The following OSBP2 variants were observed in gnomAD, a reference collection of about 807,000 sequenced individuals.
The protein encoded by OSBP2 is oxysterol-binding protein 2.
A neutral mutation model predicts 96.0 loss-of-function variants in OSBP2; 66 were observed. That is an observed-to-expected ratio of 0.69 (90% CI 0.56 to 0.84). OSBP2 has a LOEUF of 0.84. Among genes scored for constraint, OSBP2 ranks in the 40% least tolerant of loss-of-function variants. The probability of loss-of-function intolerance (pLI) is 0.00; values close to 1 mark genes in which losing one functional copy is unlikely to be tolerated. For missense variants in OSBP2, 1,038 were observed against 1,222.7 expected (o/e 0.85, Z 2.25); for synonymous variants, 525 against 520.9 (o/e 1.01, Z -0.11).
At chr22:30,791,414 C>T (rs191696002) in intron 2 of OSBP2, among the ~76,000 whole-genome samples, 1 of 146,936 alleles carries the variant, frequency 6.8e-6, no homozygotes, top group African/African-American at 2.5e-5. Flanking sequence ...GCAACCTCCA[C>T]CTCCCAGGTT....
intron 2 of OSBP2, among the ~76,000 whole-genome samples, chr22:30,782,549 ACCC>A (rs1764656875): frequency 6.6e-6 from 1 of 152,134 alleles, no homozygotes; most frequent in Non-Finnish European, 1.5e-5. Flanking sequence ...GGCTTTTGTC[ACCC>A]AGTGTAACTG....
At chr22:30,873,488 C>T (rs547326923) in intron 3 of OSBP2, among the ~76,000 whole-genome samples, 8 of 152,174 alleles carry the variant, frequency 5.3e-5, no homozygotes, top group South Asian at 2.1e-4. Flanking sequence ...ATGGAAGCCA[C>T]GCACCGCAGT....
At chr22:30,863,912 C>T (rs2039277197) in intron 2 of OSBP2, among the ~76,000 whole-genome samples, 1 of 151,844 alleles carries the variant, frequency 6.6e-6, no homozygotes. Flanking sequence ...GGTCTGTGGA[C>T]ATGCAGGAAA....
chr22:30,880,484 C>T (rs528421810), intron 3 of OSBP2, among the ~76,000 whole-genome samples: 1 of 152,282 alleles, frequency 6.6e-6, no homozygotes, highest in Admixed American at 6.5e-5. Context: ...GGCATTTGGC[C>T]CATCTCCCCA....
At chr22:30,697,290 T>A (rs2042635640) in intron 1 of OSBP2, among the ~76,000 whole-genome samples, 1 of 152,212 alleles carries the variant, frequency 6.6e-6, no homozygotes, top group African/African-American at 2.4e-5. Context: ...TTCTTTTTTT[T>A]ATTTTTTGAG....
Position 30,887,474 on chromosome 22 carries a change from C to G in OSBP2, c.1156C>G (p.Gln386Glu). 6.2e-7 allele frequency: 1 copy of G among 1,613,862 alleles called. No individual in the cohort carries two copies. The highest frequency in any genetic ancestry group is 8.5e-7 in the Non-Finnish European group (1 of 1,180,010). The part of the protein sequence containing the change: ...ELAEIHSRKW[Q>E]RALQYEQEQR... ...AGCAGAGATACACAGTCGGAAATGGCAGCGGGCACTGCAGTATGAGCAGGA... is the reference window on the plus strand; with the variant it reads ...AGCAGAGATACACAGTCGGAAATGGGAGCGGGCACTGCAGTATGAGCAGGA... Residue 386 changes from glutamine (Q) to glutamate (E), a missense_variant, in exon 4 of 14, where the codon CAG becomes GAG. By Grantham distance (29) the Gln-to-Glu change is conservative. Transcript: ENST00000332585.
intron 2 of OSBP2, among the ~76,000 whole-genome samples, chr22:30,801,627 G>A (rs1436685878): frequency 6.6e-6 from 1 of 152,142 alleles, no homozygotes; most frequent in Non-Finnish European, 1.5e-5. Flanking sequence ...AAAAATCAAG[G>A]TGTCTTTGGA....
At chr22:30,699,324 A>G (rs892311103) in intron 1 of OSBP2, among the ~76,000 whole-genome samples, 3 of 152,156 alleles carry the variant, frequency 2.0e-5, no homozygotes, top group Admixed American at 2.0e-4. Flanking sequence ...TATTTTGACT[A>G]TTGTATAAAG....
At chr22:30,694,584 C>CA (rs1555904395), upstream of OSBP2, among the ~76,000 whole-genome samples, 3 of 151,764 alleles carry the variant, frequency 2.0e-5, no homozygotes, top group East Asian at 3.9e-4. Flanking sequence ...GCGCCTGGCA[C>CA]GGCTGGGCCG....
Position 30,732,094 on chromosome 22 carries a change from A to T in OSBP2, c.645-9067A>T, listed in dbSNP as rs184422964. ...CAAGGTGGAAAGATCACCTGAGGTC[A>T]GGGGTTCAAGACCAGCCTCACTAAC... On this transcript the variant is annotated intron_variant, in intron 1 of 13. Coordinates refer to ENST00000332585, the MANE Select transcript of OSBP2 (RefSeq NM_030758.4). Among the ~76,000 whole-genome samples, 84 of 152,316 alleles carry T rather than the reference A, an allele frequency of 5.5e-4. 2 individuals are homozygous for T. The East Asian group carries it at 0.012, about 22-fold the overall frequency.
chr22:30,801,320 T>C (rs944919847), intron 2 of OSBP2, among the ~76,000 whole-genome samples: 1 of 152,102 alleles, frequency 6.6e-6, no homozygotes, highest in African/African-American at 2.4e-5. Context: ...CAAGTAGAGG[T>C]AGTGGTTTTG....
chr22:30,881,574 G>T lies in OSBP2; in HGVS notation c.1108-5852G>T. On this transcript the variant is annotated intron_variant, in intron 3 of 13. Coordinates refer to ENST00000332585, the MANE Select transcript of OSBP2 (RefSeq NM_030758.4). This position sits in a 1 kb window ranked among gnomAD's most constrained non-coding sequence, Gnocchi z 4.5. ...TGAGACCACGTTCAGGCCTGGGCTGGGTCAGCCAGGCCCTCCCTGGGCCCC... is the reference window on the plus strand; with the variant it reads ...TGAGACCACGTTCAGGCCTGGGCTGTGTCAGCCAGGCCCTCCCTGGGCCCC... The T allele has an allele frequency of 9.7e-7, 1 of 1,032,438 alleles. No homozygotes were observed. The allele number at this position is 1,032,438 out of a possible 1,614,324, so 64.0% of individuals were successfully genotyped here.
At position 30,700,413 on chromosome 22, in the gene OSBP2, A is replaced by G. The variant is rs560495915; in HGVS notation, c.644+4860A>G. ...GTTCCCTTTGAAAAAATTTATCCCT[A>G]GTTCTTATCTCACAGGGAACACGTG... On this transcript the variant is annotated intron_variant, in intron 1 of 13. Coordinates refer to ENST00000332585, the MANE Select transcript of OSBP2 (RefSeq NM_030758.4). Among the ~76,000 whole-genome samples, 27 of 152,094 alleles carry G rather than the reference A, an allele frequency of 1.8e-4. No homozygotes were observed. The East Asian group carries it at 4.0e-3, about 23-fold the overall frequency.
At chr22:30,887,991 T>C (rs927219585) in intron 4 of OSBP2, among the ~76,000 whole-genome samples, 2 of 151,552 alleles carry the variant, frequency 1.3e-5, no homozygotes, top group Non-Finnish European at 3.0e-5. Flanking sequence ...TGTTGAGAGA[T>C]CGGGGGGGCT....
intron 1 of OSBP2, among the ~76,000 whole-genome samples, chr22:30,706,585 T>G (rs946532769): frequency 6.6e-6 from 1 of 152,188 alleles, no homozygotes; most frequent in African/African-American, 2.4e-5. Flanking sequence ...GCCGCCTTCC[T>G]AATACAGTGT....
intron 1 of OSBP2, among the ~76,000 whole-genome samples, chr22:30,708,180 G>A (rs562896913): frequency 2.6e-5 from 4 of 152,086 alleles, no homozygotes; most frequent in African/African-American, 4.8e-5. Context: ...GAACCACCTC[G>A]CCTGGCTGTT....
chr22:30,720,077 T>C (rs145054963), intron 1 of OSBP2, among the ~76,000 whole-genome samples: 140 of 152,352 alleles, frequency 9.2e-4, no homozygotes, highest in Non-Finnish European at 1.6e-3. Context: ...GCAACCTCTG[T>C]CCTCATTGGG....
intron 2 of OSBP2, among the ~76,000 whole-genome samples, chr22:30,814,717 A>G (rs895112386): frequency 6.6e-6 from 1 of 151,554 alleles, no homozygotes; most frequent in African/African-American, 2.4e-5. Context: ...ATCTTGTTTT[A>G]TCTTAATTAC....
At chr22:30,706,019 G>A (rs371219813) in intron 1 of OSBP2, among the ~76,000 whole-genome samples, 1 of 152,170 alleles carries the variant, frequency 6.6e-6, no homozygotes, top group South Asian at 2.1e-4. Context: ...TCTATGAAAA[G>A]GCTGTGAGGT....
Sources: allele counts gnomAD v4.1 joint callset (sites outside exome capture counted in the v4.1 genomes callset), GRCh38; gene constraint gnomAD v4.1.1; non-coding constraint Gnocchi (gnomAD v3.1); transcripts MANE v1.5; gene names NCBI Gene and HGNC (gene_info 2026-07-23, HGNC 2026-07-21).